The following NAALADL2 variants were observed in gnomAD, a reference collection of about 807,000 sequenced individuals.
The protein encoded by NAALADL2 is inactive N-acetylated-alpha-linked acidic dipeptidase-like protein 2.
Under a neutral mutation model 87.2 loss-of-function variants are expected in NAALADL2, and 76 were observed. The ratio of observed to expected loss-of-function variants is 0.87; its 90% confidence interval spans 0.72 to 1.05. NAALADL2 has a LOEUF of 1.05. Ranked by LOEUF, NAALADL2 falls within the 50% of genes least tolerant of loss-of-function variation. NAALADL2 has a pLI of 0.00. For missense variants in NAALADL2, 1,089 were observed against 945.8 expected (o/e 1.15, Z -1.99); for synonymous variants, 354 against 331.0 (o/e 1.07, Z -0.75).
chr3:175,449,555 G>A (rs568114547), intron 6 of NAALADL2, among the ~76,000 whole-genome samples: 16 of 151,870 alleles, frequency 1.1e-4, no homozygotes, highest in South Asian at 2.1e-4. Flanking sequence ...CACCAAGCCC[G>A]GCTAATTTTT....
At chr3:174,645,087 C>G (rs1560114167) in intron 2 of NAALADL2, among the ~76,000 whole-genome samples, 1 of 152,044 alleles carries the variant, frequency 6.6e-6, no homozygotes, top group Non-Finnish European at 1.5e-5. Context: ...TGGCCATTTC[C>G]TGATTGCAGA....
intron 1 of NAALADL2, among the ~76,000 whole-genome samples, chr3:174,988,522 A>G (rs1182509909): frequency 6.6e-6 from 1 of 152,204 alleles, no homozygotes; most frequent in African/African-American, 2.4e-5. Context: ...ACATGCCACA[A>G]ACTGAGTGCC....
At chr3:175,535,968 C>T (rs1486426734) in intron 9 of NAALADL2, among the ~76,000 whole-genome samples, 5 of 152,082 alleles carry the variant, frequency 3.3e-5, no homozygotes, top group South Asian at 2.1e-4. Flanking sequence ...TGAGGCGCAA[C>T]GCAGTTTAAT....
At chr3:175,011,373 A>G (rs1749801402) in intron 1 of NAALADL2, among the ~76,000 whole-genome samples, 1 of 151,980 alleles carries the variant, frequency 6.6e-6, no homozygotes, top group Admixed American at 6.6e-5. Context: ...TATAATGTGT[A>G]ATCATTGACC....
intron 11 of NAALADL2, among the ~76,000 whole-genome samples, chr3:175,667,735 T>C (rs1733393933): frequency 6.8e-6 from 1 of 147,880 alleles, no homozygotes; most frequent in African/African-American, 2.6e-5. Context: ...ATCTGTGTGT[T>C]TTTTGCTGTT....
At chr3:175,094,485 A>G (rs572477361) in intron 1 of NAALADL2, among the ~76,000 whole-genome samples, 6 of 152,084 alleles carry the variant, frequency 3.9e-5, no homozygotes, top group Non-Finnish European at 8.8e-5. Context: ...TCTATAAGTT[A>G]ATCAGCTGTC....
chr3:174,796,590 T>C (rs1718123345), intron 3 of NAALADL2, among the ~76,000 whole-genome samples: 1 of 151,978 alleles, frequency 6.6e-6, no homozygotes, highest in African/African-American at 2.4e-5. Context: ...TTTTCTATTG[T>C]ATATGTATAT....
intron 5 of NAALADL2, among the ~76,000 whole-genome samples, chr3:175,377,625 C>G (rs777941112): frequency 6.6e-6 from 1 of 152,120 alleles, no homozygotes; most frequent in Admixed American, 6.6e-5. Context: ...TGACCATGGC[C>G]CACAGTGAGA....
intron 2 of NAALADL2, among the ~76,000 whole-genome samples, chr3:174,595,175 C>T (rs781695160): frequency 2.6e-5 from 4 of 152,138 alleles, no homozygotes; most frequent in Non-Finnish European, 5.9e-5. Context: ...ATTCAGGTCT[C>T]ATGAGCTGGA....
At chr3:175,573,972 C>G (rs1281915413) in intron 9 of NAALADL2, among the ~76,000 whole-genome samples, 1 of 152,000 alleles carries the variant, frequency 6.6e-6, no homozygotes, top group African/African-American at 2.4e-5. Context: ...AAACTGAAAC[C>G]CTGACTTGCT....
At chr3:174,543,312 T>C (rs375426011) in intron 1 of NAALADL2, among the ~76,000 whole-genome samples, 70 of 152,262 alleles carry the variant, frequency 4.6e-4, no homozygotes, top group African/African-American at 1.6e-3. Context: ...GTCGGCTGAA[T>C]GGGAGTGGTA....
chr3:175,664,839 A>AT (rs908031193), intron 11 of NAALADL2, among the ~76,000 whole-genome samples: 8 of 152,030 alleles, frequency 5.3e-5, no homozygotes, highest in Admixed American at 2.6e-4. Flanking sequence ...AAGTGGTTTG[A>AT]TTTTTTTTCC....
At chr3:174,742,198 G>A (rs886116933) in intron 3 of NAALADL2, among the ~76,000 whole-genome samples, 3 of 151,490 alleles carry the variant, frequency 2.0e-5, no homozygotes, top group Non-Finnish European at 4.4e-5. Context: ...TTTATGGTGA[G>A]CCTATTATGT....
intron 3 of NAALADL2, among the ~76,000 whole-genome samples, chr3:174,745,468 T>C (rs1177897030): frequency 6.6e-6 from 1 of 151,908 alleles, no homozygotes; most frequent in Non-Finnish European, 1.5e-5. Flanking sequence ...AACCAAAAAG[T>C]CTGGGGCCAG....
chr3:174,547,552 G>GAAT (rs1177124340), intron 1 of NAALADL2, among the ~76,000 whole-genome samples: 1 of 151,590 alleles, frequency 6.6e-6, no homozygotes, highest in Non-Finnish European at 1.5e-5. Flanking sequence ...CAATAATAAG[G>GAAT]AATAATAATA....
At position 174,755,602 on chromosome 3, in the gene NAALADL2, A is replaced by G. The variant is rs1009777853; in HGVS notation, c.-9+17856A>G. 2.0e-5 allele frequency among the ~76,000 whole-genome samples: 3 copies of G among 152,346 alleles called. No homozygotes were observed. The South Asian group carries it at 6.2e-4, about 32-fold the overall frequency. On this transcript the variant is annotated intron_variant, in intron 3 of 3. Transcript: ENST00000434257. ...ACTCCAGTTCTGCATATTGCCAAAGAACTTCATAGAGCAAGCCACACTGTA... is the reference window on the plus strand; with the variant it reads ...ACTCCAGTTCTGCATATTGCCAAAGGACTTCATAGAGCAAGCCACACTGTA...
rs534072025 is a variant in NAALADL2 at position 175,596,807 on chromosome 3, A to G, written c.1800+20620A>G. Among the ~76,000 whole-genome samples, 3 of 152,052 alleles carry G rather than the reference A, an allele frequency of 2.0e-5. No individual in the cohort carries two copies. In the South Asian group the frequency reaches 6.2e-4, roughly 31 times the overall value. On this transcript the variant is annotated intron_variant, in intron 10 of 13. Transcript: ENST00000454872. ...CCTAGCTGTATATGGCTTACAGAAC[A>G]TTTATTTTTACCGCCTAAGTCCTAA...
At chr3:174,655,925 ATGT>A (rs1423166151) in intron 2 of NAALADL2, among the ~76,000 whole-genome samples, 15 of 152,182 alleles carry the variant, frequency 9.9e-5, no homozygotes, top group South Asian at 4.1e-4. Flanking sequence ...GGTAGGGGTG[ATGT>A]TGTTGTTCTT....
chr3:174,836,708 CAAAA>C (rs36091749), intron 3 of NAALADL2, among the ~76,000 whole-genome samples: 1,496 of 65,224 alleles, frequency 0.023, 12 homozygotes, highest in African/African-American at 0.083. Context: ...GACTCCGTCT[CAAAA>C]AAAAAAAAAA....
Sources: gnomAD v4.1 joint callset for allele counts (sites outside exome capture counted in the v4.1 genomes callset) on GRCh38, gnomAD v4.1.1 for gene constraint, MANE v1.5 for transcripts, NCBI Gene and HGNC (gene_info 2026-07-23, HGNC 2026-07-21) for gene names.